The following LRRTM4 variants were observed in gnomAD, a reference collection of about 807,000 sequenced individuals.
LRRTM4 encodes the protein leucine-rich repeat transmembrane neuronal protein 4.
In LRRTM4, 25 loss-of-function variants were observed where a neutral mutation model predicts 47.6. The ratio of observed to expected loss-of-function variants is 0.53; its 90% CI spans 0.38 to 0.73. LRRTM4 has a LOEUF of 0.73. LRRTM4 is among the 30% of genes least tolerant of loss of function. The probability of loss-of-function intolerance (pLI) is 0.00; values close to 1 mark genes in which losing one functional copy is unlikely to be tolerated. For missense variants in LRRTM4, 638 were observed against 713.4 expected, an observed-to-expected ratio of 0.89 and a Z score of 1.20; for synonymous variants, 311 against 269.5, an observed-to-expected ratio of 1.15 and a Z score of -1.51.
chr2:77,293,811 A>G (rs1025905685), intron 3 of LRRTM4, among the ~76,000 whole-genome samples: 4 of 152,084 alleles, frequency 2.6e-5, no homozygotes, highest in Admixed American at 6.6e-5. Context: ...CTTCCCTACT[A>G]TGGTAAGCCC....
intron 3 of LRRTM4, among the ~76,000 whole-genome samples, chr2:76,847,404 TAC>T (rs1281980536): frequency 6.6e-6 from 1 of 152,120 alleles, no homozygotes; most frequent in Non-Finnish European, 1.5e-5. Flanking sequence ...CTTTTCAGTT[TAC>T]AGTTTTTTCA....
At chr2:76,825,599 G>A (rs1247885734) in intron 3 of LRRTM4, among the ~76,000 whole-genome samples, 1 of 151,596 alleles carries the variant, frequency 6.6e-6, no homozygotes, top group Non-Finnish European at 1.5e-5. Flanking sequence ...TCCATTTAGG[G>A]TAAGATGATG....
chr2:76,841,194 A>T (rs922708244), intron 3 of LRRTM4, among the ~76,000 whole-genome samples: 1 of 150,862 alleles, frequency 6.6e-6, no homozygotes, highest in African/African-American at 2.4e-5. Context: ...CAAACACTGC[A>T]TGTTCTCACT....
At chr2:76,841,332 G>A (rs111899206) in intron 3 of LRRTM4, among the ~76,000 whole-genome samples, 6 of 151,702 alleles carry the variant, frequency 4.0e-5, no homozygotes, top group East Asian at 2.0e-4. Context: ...GCTAAATGAC[G>A]AGTTAATGGG....
intron 3 of LRRTM4, among the ~76,000 whole-genome samples, chr2:77,127,752 A>C (rs1051122387): frequency 6.6e-6 from 1 of 152,232 alleles, no homozygotes; most frequent in African/African-American, 2.4e-5. Context: ...CTGCAACCCC[A>C]GTTAAGTACT....
intron 3 of LRRTM4, among the ~76,000 whole-genome samples, chr2:77,444,860 A>G (rs1010444457): frequency 2.0e-5 from 3 of 151,320 alleles, no homozygotes; most frequent in African/African-American, 4.9e-5. Context: ...TTACCTTATT[A>G]TAAATGAGCT....
intron 3 of LRRTM4, among the ~76,000 whole-genome samples, chr2:77,095,072 A>G (rs1419662397): frequency 6.6e-6 from 1 of 152,220 alleles, no homozygotes; most frequent in Admixed American, 6.5e-5. Flanking sequence ...TCAAACAATT[A>G]AATAGCAATA....
At chr2:77,102,846 C>G (rs1374682914) in intron 3 of LRRTM4, among the ~76,000 whole-genome samples, 1 of 152,044 alleles carries the variant, frequency 6.6e-6, no homozygotes, top group Non-Finnish European at 1.5e-5. Context: ...CTAATAAAGT[C>G]TTATTTAAAT....
chr2:76,906,374 A>G (rs1364360083), intron 3 of LRRTM4, among the ~76,000 whole-genome samples: 1 of 152,214 alleles, frequency 6.6e-6, no homozygotes, highest in East Asian at 1.9e-4. Context: ...AACAACCAGT[A>G]CCAGATGCTG....
At chr2:77,308,827 A>C (rs773328900) in intron 3 of LRRTM4, among the ~76,000 whole-genome samples, 7 of 151,602 alleles carry the variant, frequency 4.6e-5, no homozygotes, top group Non-Finnish European at 8.8e-5. Flanking sequence ...GCCTCTATCC[A>C]ATTATGCTTT....
intron 3 of LRRTM4, among the ~76,000 whole-genome samples, chr2:77,443,983 G>A (rs917761865): frequency 9.9e-5 from 15 of 152,054 alleles, no homozygotes; most frequent in South Asian, 2.1e-4. Flanking sequence ...AGAACATACT[G>A]ATCACATCTT....
chr2:76,964,341 A>G (rs1273640881), intron 3 of LRRTM4, among the ~76,000 whole-genome samples: 2 of 151,050 alleles, frequency 1.3e-5, no homozygotes, highest in Non-Finnish European at 3.0e-5. Context: ...TGTTTCATTG[A>G]ATGTAACATG....
intron 3 of LRRTM4, among the ~76,000 whole-genome samples, chr2:76,999,780 T>C (rs1212848913): frequency 6.6e-6 from 1 of 152,124 alleles, no homozygotes; most frequent in African/African-American, 2.4e-5. Context: ...TGTACCTATT[T>C]TCCACTTGTC....
intron 3 of LRRTM4, among the ~76,000 whole-genome samples, chr2:77,180,052 T>C (rs1031365719): frequency 2.0e-5 from 3 of 152,182 alleles, no homozygotes; most frequent in Admixed American, 2.0e-4. Flanking sequence ...TTAGAATTGC[T>C]TATAAGATTT....
At chr2:77,020,389 A>G (rs1435742602) in intron 3 of LRRTM4, among the ~76,000 whole-genome samples, 1 of 152,128 alleles carries the variant, frequency 6.6e-6, no homozygotes, top group Non-Finnish European at 1.5e-5. Context: ...AAGTATTGGC[A>G]AAAACCACAG....
At chr2:77,373,079 TAA>T (rs34776298) in intron 3 of LRRTM4, among the ~76,000 whole-genome samples, 40 of 133,398 alleles carry the variant, frequency 3.0e-4, no homozygotes, top group African/African-American at 8.6e-4. Context: ...AACCAACAAT[TAA>T]AAAAAAAATA....
At chr2:76,824,724 C>A (rs1446887212) in intron 3 of LRRTM4, among the ~76,000 whole-genome samples, 5 of 151,578 alleles carry the variant, frequency 3.3e-5, no homozygotes, top group Non-Finnish European at 7.4e-5. Flanking sequence ...TGTTAGCAAT[C>A]TTTCATGGGA....
chr2:77,214,904 C>A (rs2103931682), intron 3 of LRRTM4, among the ~76,000 whole-genome samples: 1 of 152,164 alleles, frequency 6.6e-6, no homozygotes, highest in Admixed American at 6.5e-5. Flanking sequence ...TGTGGGGTAT[C>A]ATAATAAACT....
intron 3 of LRRTM4, among the ~76,000 whole-genome samples, chr2:77,003,785 G>C (rs1233034184): frequency 3.3e-5 from 5 of 151,478 alleles, no homozygotes; most frequent in Admixed American, 2.0e-4. Context: ...ACAGGCAGAG[G>C]TTGCAACAGA....
Sources: gnomAD v4.1 joint callset for allele counts (sites outside exome capture counted in the v4.1 genomes callset) on GRCh38, gnomAD v4.1.1 for gene constraint, MANE v1.5 for transcripts, NCBI Gene and HGNC (gene_info 2026-07-23, HGNC 2026-07-21) for gene names.